ZNF407: variants seen among roughly 807,000 people sequenced by gnomAD.
ZNF407 encodes the protein zinc finger protein 407.
ZNF407 carries 17 observed loss-of-function variants against 131.2 expected under a neutral mutation model. The ratio of observed to expected loss-of-function variants is 0.13; its 90% CI spans 0.09 to 0.19. The LOEUF is 0.19. Ranked by LOEUF, ZNF407 falls within the 10% of genes least tolerant of loss-of-function variation. ZNF407 has a pLI of 1.00. For missense variants in ZNF407, 2,681 were observed against 2,830.6 expected (o/e 0.95, Z 1.20); for synonymous variants, 1,156 against 1,062.0 (o/e 1.09, Z -1.72).
At chr18:74,963,598 C>T (rs979438952) in intron 8 of ZNF407, among the ~76,000 whole-genome samples, 2 of 152,108 alleles carry the variant, frequency 1.3e-5, no homozygotes, top group African/African-American at 4.8e-5. Flanking sequence ...AGCAAAATCT[C>T]CTCATTTATG....
chr18:74,616,086 G>A (rs1983278471), intron 1 of ZNF407, among the ~76,000 whole-genome samples: 1 of 152,112 alleles, frequency 6.6e-6, no homozygotes, highest in African/African-American at 2.4e-5. Context: ...GTTATCTTTT[G>A]TCAATGGGTG....
At chr18:74,856,244 A>T (rs767791469) in intron 4 of ZNF407, among the ~76,000 whole-genome samples, 2 of 152,258 alleles carry the variant, frequency 1.3e-5, no homozygotes, top group African/African-American at 2.4e-5. Context: ...AATGTAAATA[A>T]TATGGAATAC....
At chr18:74,825,182 C>A (rs140387637) in intron 4 of ZNF407, among the ~76,000 whole-genome samples, 83 of 152,244 alleles carry the variant, frequency 5.5e-4, no homozygotes, top group African/African-American at 1.9e-3. Context: ...TAAAAACTCT[C>A]AATAAACTAG....
chr18:74,989,822 G>A (rs1168447431), intron 8 of ZNF407, among the ~76,000 whole-genome samples: 11 of 147,696 alleles, frequency 7.4e-5, no homozygotes, highest in South Asian at 4.3e-4. Context: ...CAGCCTGGGC[G>A]ACAGAGCGAA....
chr18:74,909,052 A>G (rs1011544917), intron 7 of ZNF407, among the ~76,000 whole-genome samples: 9 of 8,200 alleles, frequency 1.1e-3, no homozygotes, highest in South Asian at 0.083. Context: ...AAAGTTTTAT[A>G]TAAACGTATA....
At chr18:74,755,728 C>CTTTTCTTTCTTTCTTTCTTT (rs1968925683) in intron 3 of ZNF407, among the ~76,000 whole-genome samples, 2 of 63,468 alleles carry the variant, frequency 3.2e-5, no homozygotes, top group Non-Finnish European at 5.5e-5. Context: ...TTCTTTCTTT[C>CTTTTCTTTCTTTCTTTCTTT]CTTTCTTTCT....
intron 3 of ZNF407, among the ~76,000 whole-genome samples, chr18:74,729,589 T>C (rs1020033499): frequency 1.3e-5 from 2 of 152,116 alleles, no homozygotes; most frequent in Non-Finnish European, 2.9e-5. Flanking sequence ...GCTCAGCATA[T>C]ATAAAATATG....
intron 8 of ZNF407, among the ~76,000 whole-genome samples, chr18:74,991,030 C>T (rs1478074043): frequency 6.6e-6 from 1 of 152,170 alleles, no homozygotes; most frequent in Non-Finnish European, 1.5e-5. Context: ...AACTGGCATA[C>T]ACCCAGGGGC....
rs113335987 is a variant in ZNF407, at chr18:74,868,118, T to C, written c.4878-9079T>C. Among the ~76,000 whole-genome samples, 623 of 152,326 alleles carry C rather than the reference T, an allele frequency of 4.1e-3. 6 individuals carry two copies. Among genetic ancestry groups the C allele is most frequent in the African/African-American group, 0.014 (597 of 41,580 alleles). ...TGTCATCTTAAAAGTTATTAAAACA[T>C]TTTCCATTGACATGCAAAGGAAACA... On this transcript the variant is annotated intron_variant, in intron 4 of 8. Transcript: ENST00000299687.
intron 5 of ZNF407, among the ~76,000 whole-genome samples, chr18:74,879,113 T>A (rs1178161143): frequency 6.6e-6 from 1 of 151,844 alleles, no homozygotes; most frequent in Non-Finnish European, 1.5e-5. Context: ...GGAATAAAAA[T>A]ATATAAAGCA....
At chr18:74,775,808 C>T (rs1969457696) in intron 3 of ZNF407, among the ~76,000 whole-genome samples, 1 of 152,158 alleles carries the variant, frequency 6.6e-6, no homozygotes, top group Non-Finnish European at 1.5e-5. Flanking sequence ...CAGGAACTTA[C>T]AGTCATGGCA....
intron 8 of ZNF407, among the ~76,000 whole-genome samples, chr18:75,008,230 A>C (rs1972934107): frequency 6.6e-6 from 1 of 152,184 alleles, no homozygotes; most frequent in Admixed American, 6.5e-5. Context: ...GAATGCCTAC[A>C]CTGTTCCAGG....
At position 74,629,437 on chromosome 18, in the gene ZNF407, T is replaced by A. The variant is rs1299759729; in HGVS notation, c.-53-1530T>A. On this transcript the variant is annotated intron_variant, in intron 1 of 8. Transcript: ENST00000299687. ...AAAAGTTTTAAAAATATATTTTAGA[T>A]GCAAGTCCCTTATCAGATATCTGAT... Among the ~76,000 whole-genome samples the A allele has an allele frequency of 2.0e-5, 3 of 152,242 alleles. No homozygotes were observed. The East Asian group carries it at 5.8e-4, about 29-fold the overall frequency.
chr18:74,608,355 C>CTTTTTTTTTTTTTTTTTTT (rs375136326), intron 1 of ZNF407, among the ~76,000 whole-genome samples: 1 of 146,498 alleles, frequency 6.8e-6, no homozygotes, highest in Non-Finnish European at 1.5e-5. Context: ...TTTTAGATTT[C>CTTTTTTTTTTTTTTTTTTT]TTTTTTTTTT....
chr18:74,663,716 C>T (rs969604190), intron 3 of ZNF407, among the ~76,000 whole-genome samples: 2 of 152,016 alleles, frequency 1.3e-5, no homozygotes, highest in African/African-American at 4.8e-5. Context: ...AATTAGAGAC[C>T]GTACCAAGAA....
intron 8 of ZNF407, among the ~76,000 whole-genome samples, chr18:75,019,388 T>G (rs1349249878): frequency 6.6e-6 from 1 of 152,164 alleles, no homozygotes; most frequent in Non-Finnish European, 1.5e-5. Context: ...TGCGCAGTGG[T>G]CCTCCTCCCC....
intron 3 of ZNF407, among the ~76,000 whole-genome samples, chr18:74,777,951 G>A (rs566908958): frequency 3.3e-5 from 5 of 152,068 alleles, no homozygotes; most frequent in African/African-American, 7.2e-5. Context: ...GCCCAGTGGC[G>A]CATGGCTTCA....
chr18:74,821,605 ATT>A (rs1204752401), intron 4 of ZNF407, among the ~76,000 whole-genome samples: 2 of 152,048 alleles, frequency 1.3e-5, no homozygotes, highest in African/African-American at 4.8e-5. Context: ...TGAACTCATC[ATT>A]TTTTATGGCT....
intron 3 of ZNF407, among the ~76,000 whole-genome samples, chr18:74,676,636 G>A (rs12455197): frequency 0.013 from 1,917 of 151,726 alleles, 14 homozygotes; most frequent in Non-Finnish European, 0.016. Flanking sequence ...GGGTTTCACC[G>A]TGTTAGCCAG....
Sources: allele counts gnomAD v4.1 joint callset (sites outside exome capture counted in the v4.1 genomes callset), GRCh38; gene constraint gnomAD v4.1.1; transcripts MANE v1.5; gene names NCBI Gene and HGNC (gene_info 2026-07-23, HGNC 2026-07-21).